The following CCSER1 variants were observed in gnomAD, a reference collection of about 807,000 sequenced individuals.
CCSER1 encodes serine-rich coiled-coil domain-containing protein 1.
CCSER1 carries 41 observed loss-of-function variants against 82.0 expected under a neutral mutation model. The ratio of observed to expected loss-of-function variants is 0.50; its 90% CI spans 0.39 to 0.65. The LOEUF (loss-of-function observed/expected upper bound fraction) is 0.65. Ranked by LOEUF, CCSER1 falls within the 30% of genes least tolerant of loss-of-function variation. The probability of loss-of-function intolerance (pLI) is 0.00; values close to 1 mark genes in which losing one functional copy is unlikely to be tolerated. For missense variants in CCSER1, 1,119 were observed against 1,064.2 expected, an observed-to-expected ratio of 1.05 and a Z score of -0.72; for synonymous variants, 414 against 383.9, an observed-to-expected ratio of 1.08 and a Z score of -0.92.
At chr4:90,827,385 C>G (rs879492998) in intron 8 of CCSER1, among the ~76,000 whole-genome samples, 2 of 152,138 alleles carry the variant, frequency 1.3e-5, no homozygotes, top group African/African-American at 4.8e-5. Flanking sequence ...GAACTTCAGA[C>G]CACAGACATC....
intron 9 of CCSER1, among the ~76,000 whole-genome samples, chr4:90,934,054 T>G (rs576936990): frequency 5.6e-4 from 85 of 151,958 alleles, no homozygotes; most frequent in Non-Finnish European, 1.0e-3. Context: ...GAACATACAC[T>G]TTCATATGTA....
At chr4:90,742,235 G>A (rs1746673832) in intron 7 of CCSER1, among the ~76,000 whole-genome samples, 1 of 152,142 alleles carries the variant, frequency 6.6e-6, no homozygotes, top group South Asian at 2.1e-4. Context: ...CTCCAGCACT[G>A]GCAATTACAA....
At chr4:90,360,364 T>TA (rs1419153611) in intron 3 of CCSER1, among the ~76,000 whole-genome samples, 3 of 131,506 alleles carry the variant, frequency 2.3e-5, no homozygotes, top group East Asian at 2.1e-4. Flanking sequence ...CCGTGTCTAC[T>TA]AAAAATAAAA....
chr4:90,523,308 A>G (rs897192689), intron 5 of CCSER1, among the ~76,000 whole-genome samples: 1 of 152,164 alleles, frequency 6.6e-6, no homozygotes. Flanking sequence ...CAGTGCCCAA[A>G]ATGTCAGTAT....
At chr4:90,217,406 C>T (rs541289390) in intron 1 of CCSER1, among the ~76,000 whole-genome samples, 1 of 152,220 alleles carries the variant, frequency 6.6e-6, no homozygotes, top group Non-Finnish European at 1.5e-5. Flanking sequence ...ATCATGTTGG[C>T]CAGGCTGGTC....
At chr4:91,003,614 G>A (rs1262836541) in intron 9 of CCSER1, among the ~76,000 whole-genome samples, 1 of 152,110 alleles carries the variant, frequency 6.6e-6, no homozygotes, top group Admixed American at 6.5e-5. Context: ...TGGGAGAGCA[G>A]GGCTGAGAAC....
At chr4:90,250,893 A>T (rs1474551249) in intron 1 of CCSER1, among the ~76,000 whole-genome samples, 1 of 152,002 alleles carries the variant, frequency 6.6e-6, no homozygotes, top group Non-Finnish European at 1.5e-5. Flanking sequence ...TTCAGAGTAC[A>T]AGTATTGCAC....
At chr4:91,276,549 T>C (rs1419268236) in intron 10 of CCSER1, among the ~76,000 whole-genome samples, 6 of 152,062 alleles carry the variant, frequency 3.9e-5, no homozygotes. Flanking sequence ...TGGTGGAGTC[T>C]TTAGCTCTTT....
At chr4:90,510,679 A>G (rs1771367804) in intron 5 of CCSER1, among the ~76,000 whole-genome samples, 1 of 152,208 alleles carries the variant, frequency 6.6e-6, no homozygotes, top group Non-Finnish European at 1.5e-5. Context: ...TAAGAGCTTG[A>G]GCTGTGTGCT....
intron 10 of CCSER1, among the ~76,000 whole-genome samples, chr4:91,443,385 C>G (rs1755327815): frequency 6.6e-6 from 1 of 151,616 alleles, no homozygotes; most frequent in African/African-American, 2.4e-5. Context: ...AATCATCATT[C>G]TCAGTAAACT....
chr4:91,095,131 C>G (rs761684416), intron 10 of CCSER1, among the ~76,000 whole-genome samples: 1 of 152,164 alleles, frequency 6.6e-6, no homozygotes, highest in Non-Finnish European at 1.5e-5. Flanking sequence ...TCCTTGCCCC[C>G]TATTGTCATC....
At chr4:90,762,075 G>T (rs1750486445) in intron 7 of CCSER1, among the ~76,000 whole-genome samples, 1 of 152,180 alleles carries the variant, frequency 6.6e-6, no homozygotes, top group Middle Eastern at 3.4e-3. Context: ...ATATGATTTG[G>T]CTGTGTCCCT....
At chr4:91,592,251 G>C (rs1764303403) in intron 10 of CCSER1, among the ~76,000 whole-genome samples, 2 of 152,092 alleles carry the variant, frequency 1.3e-5, no homozygotes, top group South Asian at 4.1e-4. Context: ...GAGCAAAGGG[G>C]AGAAACCTCT....
In CCSER1 at chr4:90,549,988, T is replaced by C. The variant is rs1777253724; in HGVS notation, c.1725-78037T>C. On this transcript the variant is annotated intron_variant, in intron 5 of 10. Transcript: ENST00000509176. ...GCCCAGAATTTGAAAGCTGGGCAAC[T>C]AAGATTATTGTGGTGACAAGAACAA... is the stretch of plus-strand genomic sequence containing the variant. Among the ~76,000 whole-genome samples the C allele has an allele frequency of 3.9e-5, 6 of 152,036 alleles. 1 individual carries two copies. The South Asian group carries it at 1.2e-3, about 32-fold the overall frequency.
chr4:90,481,764 C>T (rs1035026419), intron 5 of CCSER1, among the ~76,000 whole-genome samples: 10 of 152,094 alleles, frequency 6.6e-5, no homozygotes, highest in East Asian at 3.9e-4. Context: ...TTGCTGGATT[C>T]GGTTTGCCAG....
intron 7 of CCSER1, chr4:90,780,517 C>T (rs1753627970): frequency 6.3e-7 from 1 of 1,597,452 alleles, no homozygotes; most frequent in African/African-American, 1.4e-5. Context: ...CTAGATGATC[C>T]ACCATGACTT....
At chr4:91,367,872 G>A (rs1384566547) in intron 10 of CCSER1, among the ~76,000 whole-genome samples, 1 of 152,078 alleles carries the variant, frequency 6.6e-6, no homozygotes, top group Non-Finnish European at 1.5e-5. Flanking sequence ...GTAGCTCTGT[G>A]TATGTCAGTC....
chr4:91,477,922 GA>G (rs1757682407), intron 10 of CCSER1, among the ~76,000 whole-genome samples: 1 of 151,644 alleles, frequency 6.6e-6, no homozygotes, highest in South Asian at 2.1e-4. Flanking sequence ...AAATAGAAAA[GA>G]AATCAAAAGC....
rs1561385193 is a variant in CCSER1, at chr4:90,932,986, A to AGAGAGAG, written c.2172+9539_2172+9540insGAGAGAG. On this transcript the variant is annotated intron_variant, in intron 9 of 10. Transcript: ENST00000509176. ...AGAAAGAAAGAAAGAAAGAAAGAGA[A>AGAGAGAG]AGAAAGAAAGAAAGAAAGAAAGAAA... 2.7e-4 allele frequency among the ~76,000 whole-genome samples: 8 copies of AGAGAGAG among 29,166 alleles called. 1 individual carries two copies. The highest frequency in any genetic ancestry group is 5.4e-4 in the Non-Finnish European group (8 of 14,916). 19.1% of individuals were successfully genotyped at this position (29,166 alleles called of 152,430 possible). A position where few individuals can be genotyped will look rare whatever the true frequency, so the allele number is the denominator to read the frequency against.
Sources: allele counts gnomAD v4.1 joint callset (sites outside exome capture counted in the v4.1 genomes callset), GRCh38; gene constraint gnomAD v4.1.1; transcripts MANE v1.5; gene names NCBI Gene and HGNC (gene_info 2026-07-23, HGNC 2026-07-21).